TMEM87B: variants seen among roughly 807,000 people sequenced by gnomAD.
The protein encoded by TMEM87B is transmembrane protein 87B.
TMEM87B carries 83 observed loss-of-function variants against 80.3 expected under a neutral mutation model. That is an observed-to-expected ratio of 1.03 (90% CI 0.87 to 1.24). The LOEUF is 1.24. Ranked by LOEUF, TMEM87B falls within the 50% of genes most tolerant of loss-of-function variation. The pLI, the probability that TMEM87B is intolerant of heterozygous loss-of-function variation, is 0.00. For synonymous variants in TMEM87B, 219 were observed against 230.5 expected (o/e 0.95, Z 0.45); for missense variants, 625 against 674.4 (o/e 0.93, Z 0.81).
At chr2:112,101,917 A>T (rs1435522961) in intron 15 of TMEM87B, among the ~76,000 whole-genome samples, 1 of 152,214 alleles carries the variant, frequency 6.6e-6, no homozygotes, top group Non-Finnish European at 1.5e-5. Flanking sequence ...ATACAAGTTC[A>T]TTGAAAAATA....
At chr2:112,095,500 C>A (rs1679441079) in intron 11 of TMEM87B, 2 of 945,904 alleles carry the variant, frequency 2.1e-6, no homozygotes, top group African/African-American at 3.6e-5. Flanking sequence ...ATTATTAAAC[C>A]AGACCAGATT....
intron 8 of TMEM87B, among the ~76,000 whole-genome samples, chr2:112,082,906 A>C (rs1039771200): frequency 6.6e-6 from 1 of 152,134 alleles, no homozygotes; most frequent in Non-Finnish European, 1.5e-5. Context: ...TCCTCAGGGA[A>C]TCTAAGCTGT....
At chr2:112,102,776 G>A (rs1216062420) in intron 15 of TMEM87B, among the ~76,000 whole-genome samples, 1 of 151,814 alleles carries the variant, frequency 6.6e-6, no homozygotes, top group Non-Finnish European at 1.5e-5. Flanking sequence ...ATCTCAGTGG[G>A]TACAAATAAC....
At chr2:112,097,805 G>T (rs1679516966) in intron 13 of TMEM87B, among the ~76,000 whole-genome samples, 1 of 144,112 alleles carries the variant, frequency 6.9e-6, no homozygotes. Context: ...ATGCCCTTTT[G>T]TCAAGTTTTT....
intron 16 of TMEM87B, among the ~76,000 whole-genome samples, chr2:112,107,373 A>AAG: frequency 6.6e-6 from 1 of 151,960 alleles, no homozygotes; most frequent in Non-Finnish European, 1.5e-5. Context: ...AAAAAAAAAA[A>AAG]AAAGAATGTT....
At chr2:112,083,143 A>G (rs1679050381) in intron 8 of TMEM87B, among the ~76,000 whole-genome samples, 1 of 152,246 alleles carries the variant, frequency 6.6e-6, no homozygotes, top group South Asian at 2.1e-4. Context: ...CGACGTGGGT[A>G]TGTTAAGAAT....
chr2:112,094,265 G>A (rs768179838), intron 11 of TMEM87B, among the ~76,000 whole-genome samples: 2 of 151,334 alleles, frequency 1.3e-5, no homozygotes, highest in East Asian at 1.9e-4. Context: ...AGGTTCAAGC[G>A]ATTCTCCTGC....
intron 4 of TMEM87B, among the ~76,000 whole-genome samples, chr2:112,071,221 G>A (rs909107784): frequency 6.6e-6 from 1 of 152,062 alleles, no homozygotes; most frequent in Non-Finnish European, 1.5e-5. Flanking sequence ...CCCTTGGTTA[G>A]CTGTATTCCT....
In TMEM87B at chr2:112,060,097, C is replaced by T. The variant is rs945256838; in HGVS notation, c.226+60C>T. 120 of 1,401,436 alleles carry T rather than the reference C, an allele frequency of 8.6e-5. No homozygotes were observed. In the East Asian group the frequency reaches 1.0e-3, roughly 12 times the overall value. 86.8% of individuals were successfully genotyped at this position (1,401,436 alleles called of 1,614,324 possible). ...GCGCAATGGCTCACGCCTGTAATCC[C>T]GGCACTTTGGGAGGCCGAGGCAGGT... On this transcript the variant is annotated intron_variant, in intron 2 of 18. Transcript: ENST00000283206.
intron 9 of TMEM87B, among the ~76,000 whole-genome samples, chr2:112,087,422 C>T (rs187742094): frequency 2.2e-3 from 330 of 152,116 alleles, no homozygotes; most frequent in African/African-American, 7.4e-3. Flanking sequence ...TCAGACTCTA[C>T]CCTGACCTTC....
At chr2:112,110,693 GTTTTATTTTTC>G (rs1239355692) in intron 17 of TMEM87B, among the ~76,000 whole-genome samples, 1 of 151,896 alleles carries the variant, frequency 6.6e-6, no homozygotes, top group East Asian at 1.9e-4. Context: ...GGTTGGTGTT[GTTTTATTTTTC>G]TTTTATTTCT....
chr2:112,097,853 C>A (rs1328837280), intron 13 of TMEM87B, among the ~76,000 whole-genome samples: 5 of 151,766 alleles, frequency 3.3e-5, no homozygotes, highest in Admixed American at 3.3e-4. Flanking sequence ...TCCTGTATAC[C>A]CTAACAGGAA....
chr2:112,074,948 C>A lies in TMEM87B; in HGVS notation c.487C>A (p.Gln163Lys). 1 of 1,562,430 alleles carries A rather than the reference C, an allele frequency of 6.4e-7. No homozygotes were observed. Reference protein sequence around the residue: ...ELINIRNVSNQERSMDVVART... With the variant: ...ELINIRNVSNKERSMDVVART... Reference sequence around the variant, plus strand: ...AATAAATATCAGAAATGTTTCAAACCAGGAAAGATCAATGGTAAGCAGTTT... The same window carrying A: ...AATAAATATCAGAAATGTTTCAAACAAGGAAAGATCAATGGTAAGCAGTTT... Residue 163 changes from glutamine to lysine, a missense_variant, in exon 5 of 19, where the codon CAG becomes AAG. Gln to Lys is a moderately conservative substitution (Grantham distance 53). Transcript: ENST00000283206.
chr2:112,066,457 A>C (rs1173059323), intron 3 of TMEM87B, among the ~76,000 whole-genome samples: 2 of 152,224 alleles, frequency 1.3e-5, no homozygotes, highest in African/African-American at 4.8e-5. Flanking sequence ...TGGTTCATTC[A>C]TCCATTCAAG....
At chr2:112,099,525 C>CATATATATATATATATATAT (rs778514391) in intron 14 of TMEM87B, among the ~76,000 whole-genome samples, 8 of 122,814 alleles carry the variant, frequency 6.5e-5, no homozygotes, top group African/African-American at 2.0e-4. Flanking sequence ...TACAATAATA[C>CATATATATATATATATATAT]ATATATATAT....
chr2:112,117,623 T>C lies in TMEM87B; in HGVS notation c.*1480T>C, dbSNP rs1680059179. On this transcript the variant is annotated 3_prime_UTR_variant, in exon 19 of 19. Transcript: ENST00000283206. ...CAAACATTACCGAGAAAATCATGCT[T>C]TTCAAGATGCCCTTGCTTTGGGATA... 6.6e-6 allele frequency: 1 copy of C among 152,146 alleles called. No individual in the cohort carries two copies. Among genetic ancestry groups the C allele is most frequent in the African/African-American group, 2.4e-5 (1 of 41,432 alleles). 9.4% of individuals were successfully genotyped at this position (152,146 alleles called of 1,614,324 possible). A position where few individuals can be genotyped will look rare whatever the true frequency, so the allele number is the denominator to read the frequency against.
chr2:112,058,540 A>G (rs935104170), intron 1 of TMEM87B, among the ~76,000 whole-genome samples: 3 of 119,606 alleles, frequency 2.5e-5, no homozygotes, highest in Non-Finnish European at 5.6e-5. Context: ...TCTTTTTATT[A>G]TGTCAACTAA....
At chr2:112,108,527 A>C (rs530482798) in intron 17 of TMEM87B, among the ~76,000 whole-genome samples, 3 of 152,272 alleles carry the variant, frequency 2.0e-5, no homozygotes, top group South Asian at 4.1e-4. Context: ...TTATTGAAGA[A>C]ATTTTTGTGG....
rs1436595017 is a variant in TMEM87B, at chr2:112,091,785, T to C, written c.1104+2T>C. The C allele has an allele frequency of 7.5e-6, 12 of 1,601,124 alleles. No individual in the cohort carries two copies. The highest frequency in any genetic ancestry group is 1.0e-5 in the Non-Finnish European group (12 of 1,169,294). On this transcript the variant is annotated splice_donor_variant, in intron 11 of 18. Transcript: ENST00000283206. LOFTEE classifies it high-confidence loss of function. ...ATTGACTCCATTTTTGTGTGGTTCATATCCTTTACTGTGTCCTTCAAAATA... is the reference window on the plus strand; with the variant it reads ...ATTGACTCCATTTTTGTGTGGTTCACATCCTTTACTGTGTCCTTCAAAATA...
Sources: gnomAD v4.1 joint callset for allele counts (sites outside exome capture counted in the v4.1 genomes callset) on GRCh38, gnomAD v4.1.1 for gene constraint, MANE v1.5 for transcripts, NCBI Gene and HGNC (gene_info 2026-07-23, HGNC 2026-07-21) for gene names.